MPP7: variants seen among roughly 807,000 people sequenced by gnomAD.
MPP7 encodes MAGUK p55 scaffold protein 7, also known as MAGUK p55 subfamily member 7.
MPP7 carries 60 observed loss-of-function variants against 76.5 expected under a neutral mutation model. That is an observed-to-expected ratio of 0.78 (90% CI 0.64 to 0.97). The LOEUF (loss-of-function observed/expected upper bound fraction) is 0.97, where lower values mean the gene tolerates loss of function less well. Among genes scored for constraint, MPP7 ranks in the 50% least tolerant of loss-of-function variants. The pLI is 0.00. For synonymous variants in MPP7, 237 were observed against 244.5 expected (o/e 0.97, Z 0.29); for missense variants, 641 against 694.0 (o/e 0.92, Z 0.86).
intron 3 of MPP7, among the ~76,000 whole-genome samples, chr10:28,180,071 G>A (rs780959324): frequency 2.6e-5 from 4 of 152,100 alleles, no homozygotes; most frequent in Non-Finnish European, 5.9e-5. Context: ...ATACACTCAA[G>A]CCTTTCAAAA....
intron 1 of MPP7, among the ~76,000 whole-genome samples, chr10:28,271,977 AAAAC>A (rs1480940044): frequency 6.6e-6 from 1 of 152,160 alleles, no homozygotes; most frequent in African/African-American, 2.4e-5. Flanking sequence ...TCTGTCTCAA[AAAAC>A]AAACAAAAAA....
chr10:28,059,690 T>C lies in MPP7; in HGVS notation c.1258A>G (p.Ile420Val). The change falls in exon 14 of 17, where the codon ATT (isoleucine) becomes GTT (valine). Residue 420 changes from isoleucine (I) to valine (V), a missense_variant. Coordinates refer to ENST00000683449, the MANE Select transcript of MPP7 (RefSeq NM_001318170.2). ...TCTGTCTCAAACAAATGCTTGGAAA[T>C]GAAAATGTATTCAACACCATCACTC... is the stretch of plus-strand genomic sequence containing the variant. ...QESDGVEYIF[I>V]SKHLFETDVQ... is the part of the protein sequence containing the mutation. 1 of 1,613,590 alleles carries C rather than the reference T, an allele frequency of 6.2e-7. No individual in the cohort carries two copies. Among genetic ancestry groups the C allele is most frequent in the Non-Finnish European group, 8.5e-7 (1 of 1,179,708 alleles).
At chr10:28,147,429 C>T (rs1835744150) in intron 5 of MPP7, 54 bp downstream of exon 5, 1 of 1,391,954 alleles carries the variant, frequency 7.2e-7, no homozygotes, top group South Asian at 1.2e-5. Flanking sequence ...CATCTGAAGG[C>T]TCAGAAAGTG....
chr10:28,238,234 TG>T (rs1839143736), intron 2 of MPP7, among the ~76,000 whole-genome samples: 1 of 152,090 alleles, frequency 6.6e-6, no homozygotes, highest in African/African-American at 2.4e-5. Flanking sequence ...TATACATGAA[TG>T]AAGGATAATA....
intron 3 of MPP7, among the ~76,000 whole-genome samples, chr10:28,181,555 C>T (rs374833146): frequency 6.6e-6 from 1 of 152,108 alleles, no homozygotes; most frequent in African/African-American, 2.4e-5. Flanking sequence ...TCGTGCCCCA[C>T]GATGGGCACT....
chr10:28,312,665 G>A (rs1346682377), intron 2 of MPP7, among the ~76,000 whole-genome samples: 1 of 152,170 alleles, frequency 6.6e-6, no homozygotes, highest in Non-Finnish European at 1.5e-5. Context: ...GGCCAGTGAT[G>A]GAAACGTTGA....
intron 1 of MPP7, among the ~76,000 whole-genome samples, chr10:28,289,571 G>A (rs922763965): frequency 6.6e-6 from 1 of 152,200 alleles, no homozygotes; most frequent in East Asian, 1.9e-4. Context: ...TAAGAGATGT[G>A]TGGCCAAGAG....
chr10:28,170,412 G>C (rs1836641474), intron 3 of MPP7, among the ~76,000 whole-genome samples: 1 of 151,292 alleles, frequency 6.6e-6, no homozygotes. Flanking sequence ...TCAAGTAATT[G>C]TTCCACCTCA....
At position 28,233,815 on chromosome 10, in the gene MPP7, T is replaced by C. The variant is rs188773151; in HGVS notation, c.37+4753A>G. Among the ~76,000 whole-genome samples, 982 of 150,536 alleles carry C rather than the reference T, an allele frequency of 6.5e-3. 9 individuals are homozygous for C. The highest frequency in any genetic ancestry group is 8.3e-3 in the Non-Finnish European group (561 of 67,762). The stretch of plus-strand genomic sequence containing the variant: ...ACTTTGGGAGGCTGAGGCAGGAGCA[T>C]CACTTGAGCTCAGGAGTTTGAGACC... On this transcript the variant is annotated intron_variant, in intron 2 of 16. Transcript: ENST00000683449.
chr10:28,281,499 C>A (rs1413098294), intron 1 of MPP7, among the ~76,000 whole-genome samples: 1 of 152,040 alleles, frequency 6.6e-6, no homozygotes, highest in Non-Finnish European at 1.5e-5. Flanking sequence ...CTCAGAGAGA[C>A]AAATGACAAC....
intron 12 of MPP7, among the ~76,000 whole-genome samples, chr10:28,088,386 C>A (rs550726652): frequency 1.3e-5 from 2 of 152,086 alleles, no homozygotes; most frequent in Non-Finnish European, 2.9e-5. Flanking sequence ...CCATGATATT[C>A]CCACGATAAT....
At chr10:28,082,595 T>C (rs546695877) in intron 12 of MPP7, among the ~76,000 whole-genome samples, 96 of 152,296 alleles carry the variant, frequency 6.3e-4, no homozygotes, top group African/African-American at 2.1e-3. Flanking sequence ...TAGCTGGGAC[T>C]ACAGGCACAC....
In MPP7 at chr10:28,117,008, G is replaced by A. The variant is rs1428349328; in HGVS notation, c.952+2643C>T. ...ATATAAGTGCAAAAATGCAAAGACA[G>A]TAAGATTGGGATGTGCCCTTCCTTA... is the stretch of plus-strand genomic sequence containing the variant. On this transcript the variant is annotated intron_variant, in intron 11 of 16. Coordinates refer to ENST00000683449, the MANE Select transcript of MPP7 (RefSeq NM_001318170.2). Among the ~76,000 whole-genome samples, 6 of 152,186 alleles carry A rather than the reference G, an allele frequency of 3.9e-5. No individual in the cohort carries two copies. The East Asian group carries it at 1.2e-3, about 29-fold the overall frequency.
In MPP7 at chr10:28,296,363, C is replaced by T. The variant is rs115519378; in HGVS notation, c.-132+6498G>A. On this transcript the variant is annotated intron_variant, in intron 1 of 16. Transcript: ENST00000683449. ...CAGTGTTCTGGTAAGAAACAATTTA[C>T]TATTGCTCTCCTCCCCACCCACAGT... Among the ~76,000 whole-genome samples the T allele has an allele frequency of 2.9e-3, 449 of 152,254 alleles. 1 individual carries two copies. The highest frequency in any genetic ancestry group is 9.8e-3 in the African/African-American group (408 of 41,506).
chr10:28,206,912 C>T (rs1241700010), intron 2 of MPP7, among the ~76,000 whole-genome samples: 2 of 152,084 alleles, frequency 1.3e-5, no homozygotes, highest in South Asian at 4.1e-4. Context: ...AACTTCTTTG[C>T]AACGTTTTTT....
At chr10:28,148,772 G>T (rs1441034253) in intron 4 of MPP7, among the ~76,000 whole-genome samples, 1 of 152,008 alleles carries the variant, frequency 6.6e-6, no homozygotes, top group African/African-American at 2.4e-5. Flanking sequence ...TATTTATATA[G>T]CAGTCTCTAA....
chr10:28,090,267 T>C (rs551967543), intron 11 of MPP7, among the ~76,000 whole-genome samples: 1 of 152,270 alleles, frequency 6.6e-6, no homozygotes, highest in South Asian at 2.1e-4. Flanking sequence ...GGCCTATTCA[T>C]CATAATATTG....
intron 3 of MPP7, among the ~76,000 whole-genome samples, chr10:28,167,391 G>A (rs11006906): frequency 0.076 from 11,509 of 152,114 alleles, 1,049 homozygotes; most frequent in East Asian, 0.44. Flanking sequence ...CAAACTGCAT[G>A]TTCTCACTTA....
At chr10:28,098,384 C>T (rs868831084) in intron 11 of MPP7, among the ~76,000 whole-genome samples, 18 of 151,806 alleles carry the variant, frequency 1.2e-4, no homozygotes, top group African/African-American at 4.1e-4. Flanking sequence ...AATATAAAGA[C>T]TGTTATGGAT....
Sources: gnomAD v4.1 joint callset for allele counts (sites outside exome capture counted in the v4.1 genomes callset) on GRCh38, gnomAD v4.1.1 for gene constraint, MANE v1.5 for transcripts, NCBI Gene and HGNC (gene_info 2026-07-23, HGNC 2026-07-21) for gene names.